HSPA4L: variants seen among roughly 807,000 people sequenced by gnomAD.
The protein encoded by HSPA4L is heat shock 70 kDa protein 4L.
HSPA4L carries 48 observed loss-of-function variants against 100.3 expected under a neutral mutation model. That is an observed-to-expected ratio of 0.48 (90% CI 0.38 to 0.61). The LOEUF is 0.61. HSPA4L is among the 20% of genes least tolerant of loss of function. The pLI is 0.00. For missense variants in HSPA4L, 886 were observed against 988.6 expected, an observed-to-expected ratio of 0.90 and a Z score of 1.39; for synonymous variants, 319 against 328.2, an observed-to-expected ratio of 0.97 and a Z score of 0.30.
Position 127,811,648 on chromosome 4 carries a change from TTC to T in HSPA4L, c.1578+14_1578+15del. On this transcript the variant is annotated intron_variant, in intron 12 of 18. Coordinates refer to ENST00000296464, the MANE Select transcript of HSPA4L (RefSeq NM_014278.4). Reference sequence around the variant, plus strand: ...ACAAAGATAATATGGTATGTAGAAATTCTTTCTCAATGTTCTTGTAATAGATA... The same window carrying T: ...ACAAAGATAATATGGTATGTAGAAATTTTCTCAATGTTCTTGTAATAGATA... 6.3e-7 allele frequency: 1 copy of T among 1,582,540 alleles called. No homozygotes were observed. Among genetic ancestry groups the T allele is most frequent in the Non-Finnish European group, 8.6e-7 (1 of 1,157,310 alleles).
rs1191241082 is a variant in HSPA4L, at chr4:127,834,104, A to G, written c.*1230A>G. Reference sequence around the variant, plus strand: ...ATTTTAAGGACTTTATCTGTGCTTCATCACCCAACTTGTTCACATTGTTAA... The same window carrying G: ...ATTTTAAGGACTTTATCTGTGCTTCGTCACCCAACTTGTTCACATTGTTAA... On this transcript the variant is annotated 3_prime_UTR_variant, in exon 19 of 19. Coordinates refer to ENST00000296464, the MANE Select transcript of HSPA4L (RefSeq NM_014278.4). 2 of 152,188 alleles carry G rather than the reference A, an allele frequency of 1.3e-5. No individual in the cohort carries two copies. Among genetic ancestry groups the G allele is most frequent in the African/African-American group, 4.8e-5 (2 of 41,460 alleles). The allele number at this position is 152,188 out of a possible 1,614,324, so 9.4% of individuals were successfully genotyped here.
In HSPA4L at chr4:127,782,372, G is replaced by A. The variant is rs761644250; in HGVS notation, c.-179G>A. On this transcript the variant is annotated 5_prime_UTR_variant, in exon 1 of 19. Transcript: ENST00000296464. ...ACGCGGTGCAGGCTGCGGCGCTGACGGCCTCTGCTCCTTCCGCGGGTTTCC... is the reference window on the plus strand; with the variant it reads ...ACGCGGTGCAGGCTGCGGCGCTGACAGCCTCTGCTCCTTCCGCGGGTTTCC... 24 of 588,630 alleles carry A rather than the reference G, an allele frequency of 4.1e-5. No individual in the cohort carries two copies. Among genetic ancestry groups the A allele is most frequent in the Non-Finnish European group, 6.1e-5 (20 of 328,298 alleles). 36.5% of individuals were successfully genotyped at this position (588,630 alleles called of 1,614,324 possible).
At chr4:127,796,233 G>C (rs1733018508) in intron 3 of HSPA4L, among the ~76,000 whole-genome samples, 1 of 152,212 alleles carries the variant, frequency 6.6e-6, no homozygotes, top group Non-Finnish European at 1.5e-5. Flanking sequence ...GACCCAAAAA[G>C]TATGTTAATA....
intron 4 of HSPA4L, among the ~76,000 whole-genome samples, chr4:127,799,862 C>CA (rs1244091213): frequency 6.6e-6 from 1 of 152,044 alleles, no homozygotes; most frequent in Non-Finnish European, 1.5e-5. Flanking sequence ...ATTAAATGAA[C>CA]CATGCATGAT....
chr4:127,787,750 G>A (rs1732757336), intron 1 of HSPA4L, among the ~76,000 whole-genome samples: 2 of 152,000 alleles, frequency 1.3e-5, no homozygotes, highest in Middle Eastern at 3.4e-3. Flanking sequence ...TAAAAATTCA[G>A]TGAATACCTT....
intron 11 of HSPA4L, 122 bp from the exon 12 acceptor site, chr4:127,811,315 G>A: frequency 1.4e-6 from 1 of 706,974 alleles, no homozygotes; most frequent in East Asian, 2.7e-5. Context: ...ATCAGGATAT[G>A]ATCATAATTA....
rs1431284267 is a variant in HSPA4L, at chr4:127,836,944, T to G, written c.*4070T>G. On this transcript the variant is annotated 3_prime_UTR_variant, in exon 19 of 19. Transcript: ENST00000296464. ...CTCAGTTTTTAAAAGTTTACAAAATTTTTTTTTTTGTTTTGAGACAGAGTA... is the reference window on the plus strand; with the variant it reads ...CTCAGTTTTTAAAAGTTTACAAAATGTTTTTTTTTGTTTTGAGACAGAGTA... 2 of 150,404 alleles carry G rather than the reference T, an allele frequency of 1.3e-5. No individual in the cohort carries two copies. Among genetic ancestry groups the G allele is most frequent in the Non-Finnish European group, 3.0e-5 (2 of 67,428 alleles). 9.3% of individuals were successfully genotyped at this position (150,404 alleles called of 1,614,324 possible).
chr4:127,785,251 T>G (rs1732684344), intron 1 of HSPA4L, among the ~76,000 whole-genome samples: 1 of 152,256 alleles, frequency 6.6e-6, no homozygotes, highest in South Asian at 2.1e-4. Context: ...CTGCATAAAT[T>G]GAAGAGACAA....
chr4:127,809,445 C>G (rs1260734665), intron 11 of HSPA4L: 1 of 1,211,506 alleles, frequency 8.3e-7, no homozygotes, highest in Non-Finnish European at 1.2e-6. Context: ...GAACCTGATT[C>G]TTCCTGTTTT....
intron 5 of HSPA4L, among the ~76,000 whole-genome samples, 157 bp downstream of exon 5, chr4:127,801,394 A>G (rs918697155): frequency 2.0e-5 from 3 of 152,012 alleles, no homozygotes; most frequent in Admixed American, 6.6e-5. Context: ...ATACCACTGC[A>G]CTTCAGCCTG....
chr4:127,804,143 G>A (rs1018243819), intron 8 of HSPA4L, 56 bp downstream of exon 8: 15 of 1,308,622 alleles, frequency 1.1e-5, no homozygotes, highest in Non-Finnish European at 1.6e-5. Flanking sequence ...CTACTTAGCG[G>A]GGGTAGATAA....
intron 12 of HSPA4L, chr4:127,813,564 T>C: frequency 5.4e-6 from 1 of 186,394 alleles, no homozygotes; most frequent in Non-Finnish European, 1.1e-5. Flanking sequence ...GTAAATTTAA[T>C]CCATTAAGAT....
intron 18 of HSPA4L, among the ~76,000 whole-genome samples, chr4:127,831,028 A>G (rs993417418): frequency 1.1e-4 from 17 of 152,306 alleles, no homozygotes; most frequent in African/African-American, 3.6e-4. Context: ...AGAATGAAAT[A>G]AAAGCAATGT....
At chr4:127,793,936 T>A in intron 1 of HSPA4L, 141 bp from the exon 2 acceptor site, 1 of 532,862 alleles carries the variant, frequency 1.9e-6, no homozygotes, top group South Asian at 3.8e-5. Context: ...TAAAATAAAT[T>A]TTTGATTTGC....
intron 16 of HSPA4L, among the ~76,000 whole-genome samples, chr4:127,825,902 G>C (rs957927546): frequency 6.7e-6 from 1 of 148,282 alleles, no homozygotes; most frequent in Non-Finnish European, 1.5e-5. Context: ...CTCCAGCTTG[G>C]GCAACAAGAG....
At chr4:127,787,992 A>G (rs1427471361) in intron 1 of HSPA4L, among the ~76,000 whole-genome samples, 2 of 152,192 alleles carry the variant, frequency 1.3e-5, no homozygotes, top group Non-Finnish European at 2.9e-5. Context: ...GGTCTAAACA[A>G]TTATAACCAA....
At position 127,837,605 on chromosome 4, in the gene HSPA4L, T is replaced by G. The variant is rs557429815; in HGVS notation, c.*4731T>G. 7.2e-5 allele frequency: 11 copies of G among 152,314 alleles called. No individual in the cohort carries two copies. Among genetic ancestry groups the G allele is most frequent in the Non-Finnish European group, 1.3e-4 (9 of 68,018 alleles). 9.4% of individuals were successfully genotyped at this position (152,314 alleles called of 1,614,324 possible). A position where few individuals can be genotyped will look rare whatever the true frequency, so the allele number is the denominator to read the frequency against. ...AGATGGCAGGTTTAACATTATACCT[T>G]TTGGTTTTTGCCCAACATTTGATTT... On this transcript the variant is annotated 3_prime_UTR_variant, in exon 19 of 19. Coordinates refer to ENST00000296464, the MANE Select transcript of HSPA4L (RefSeq NM_014278.4).
At chr4:127,793,882 T>A (rs1374921577) in intron 1 of HSPA4L, among the ~76,000 whole-genome samples, 195 bp from the exon 2 acceptor site, 1 of 152,188 alleles carries the variant, frequency 6.6e-6, no homozygotes, top group Non-Finnish European at 1.5e-5. Context: ...TTTAAAAAAT[T>A]GTAACATTTA....
intron 1 of HSPA4L, among the ~76,000 whole-genome samples, chr4:127,789,109 G>T (rs896067937): frequency 9.9e-5 from 15 of 152,048 alleles, no homozygotes; most frequent in South Asian, 2.1e-4. Context: ...ACCTAATTAC[G>T]CTTGGCCTTA....
Sources: gnomAD v4.1 joint callset for allele counts (sites outside exome capture counted in the v4.1 genomes callset) on GRCh38, gnomAD v4.1.1 for gene constraint, MANE v1.5 for transcripts, NCBI Gene and HGNC (gene_info 2026-07-23, HGNC 2026-07-21) for gene names.